The following PRKCB variants were observed in gnomAD, a reference collection of about 807,000 sequenced individuals.
The protein encoded by PRKCB is protein kinase C beta.
In PRKCB, 13 loss-of-function variants were observed where a neutral mutation model predicts 81.5. The observed-to-expected ratio is 0.16, with a 90% CI of 0.10 to 0.25. PRKCB has a LOEUF of 0.25. PRKCB is among the 10% of genes least tolerant of loss of function. PRKCB has a pLI of 1.00. For synonymous variants in PRKCB, 335 were observed against 321.4 expected (o/e 1.04, Z -0.45); for missense variants, 509 against 875.7 (o/e 0.58, Z 5.29).
chr16:24,202,499 T>A (rs562394767), intron 16 of PRKCB, among the ~76,000 whole-genome samples: 1 of 152,206 alleles, frequency 6.6e-6, no homozygotes, highest in South Asian at 2.1e-4. Context: ...TAAAAAAATG[T>A]GAAAAAATAA....
chr16:23,943,184 A>G (rs1436002727), intron 2 of PRKCB, among the ~76,000 whole-genome samples: 4 of 152,172 alleles, frequency 2.6e-5, no homozygotes, highest in African/African-American at 7.2e-5. Context: ...GTTCTCCACT[A>G]TAAAAGGAGA....
chr16:23,934,441 A>G (rs1248130063), intron 2 of PRKCB, among the ~76,000 whole-genome samples: 2 of 151,724 alleles, frequency 1.3e-5, no homozygotes, highest in Admixed American at 6.6e-5. Flanking sequence ...GGAAAGGGCC[A>G]GGGTATGTTT....
intron 9 of PRKCB, among the ~76,000 whole-genome samples, chr16:24,151,063 G>A (rs395898): frequency 0.18 from 27,470 of 152,218 alleles, 2,743 homozygotes; most frequent in South Asian, 0.3. Context: ...TGCTACTTGA[G>A]ATTGTTTTAG....
chr16:24,096,666 AATAT>A (rs58341820), intron 7 of PRKCB, among the ~76,000 whole-genome samples: 49 of 32,636 alleles, frequency 1.5e-3, no homozygotes, highest in African/African-American at 3.6e-3. Flanking sequence ...AAAAAAAAAA[AATAT>A]ATATATATAT....
At chr16:23,880,831 T>C (rs1963095000) in intron 2 of PRKCB, among the ~76,000 whole-genome samples, 1 of 152,216 alleles carries the variant, frequency 6.6e-6, no homozygotes, top group African/African-American at 2.4e-5. Flanking sequence ...CCCATGTCTC[T>C]CTGTCTCTGT....
chr16:23,875,746 TCA>T (rs71680615), intron 2 of PRKCB, among the ~76,000 whole-genome samples: 7,158 of 43,060 alleles, frequency 0.17, 1,681 homozygotes, highest in East Asian at 0.38. Context: ...TGTATGTATA[TCA>T]CACATATATG....
intron 9 of PRKCB, among the ~76,000 whole-genome samples, chr16:24,149,200 G>A (rs1309719479): frequency 1.3e-5 from 2 of 152,174 alleles, no homozygotes; most frequent in African/African-American, 2.4e-5. Flanking sequence ...GTCTTGCAGG[G>A]TCTCTTCACC....
intron 5 of PRKCB, among the ~76,000 whole-genome samples, chr16:24,080,185 G>A (rs1380236757): frequency 6.6e-6 from 1 of 152,160 alleles, no homozygotes; most frequent in Non-Finnish European, 1.5e-5. Flanking sequence ...CACCCAGAGA[G>A]GAAAAGTGAG....
chr16:23,957,944 G>C (rs908832411), intron 2 of PRKCB, among the ~76,000 whole-genome samples: 9 of 152,042 alleles, frequency 5.9e-5, no homozygotes, highest in Non-Finnish European at 8.8e-5. Flanking sequence ...CCACCTCCTA[G>C]CATTAATGTG....
chr16:23,937,431 T>C (rs1964078071), intron 2 of PRKCB, among the ~76,000 whole-genome samples: 1 of 152,128 alleles, frequency 6.6e-6, no homozygotes, highest in Non-Finnish European at 1.5e-5. Context: ...AAAGACTGAG[T>C]CTTGGCATCG....
intron 7 of PRKCB, among the ~76,000 whole-genome samples, chr16:24,110,510 C>CTTTTTTTTT (rs1211090636): frequency 1.8e-5 from 2 of 111,164 alleles, no homozygotes; most frequent in Non-Finnish European, 3.4e-5. Flanking sequence ...CATGCCCAAC[C>CTTTTTTTTT]TTTTTTTTTT....
intron 5 of PRKCB, among the ~76,000 whole-genome samples, chr16:24,053,708 C>G (rs973070156): frequency 2.0e-5 from 3 of 152,148 alleles, no homozygotes; most frequent in Admixed American, 6.6e-5. Flanking sequence ...CCATGCATCT[C>G]CCTGGCAGAA....
In PRKCB at chr16:24,084,172, A is replaced by G. The variant is rs115255667; in HGVS notation, c.530-8619A>G. On this transcript the variant is annotated intron_variant, in intron 5 of 16. Coordinates refer to ENST00000643927, the MANE Select transcript of PRKCB (RefSeq NM_002738.7). ...ATAAATAAATATAACCACTAAATAA[A>G]TGACAGATGTAGAGAACAAATAGCA... is the stretch of plus-strand genomic sequence containing the variant. Among the ~76,000 whole-genome samples the G allele has an allele frequency of 4.6e-3, 702 of 152,312 alleles. 4 individuals carry two copies. The highest frequency in any genetic ancestry group is 0.016 in the African/African-American group (670 of 41,570).
At chr16:24,185,318 G>A (rs1967686547) in intron 14 of PRKCB, 127 bp downstream of exon 14, 6 of 1,189,068 alleles carry the variant, frequency 5.0e-6, no homozygotes, top group Non-Finnish European at 7.3e-6. Context: ...CGGCCTTGGG[G>A]TCATACAAGT....
chr16:24,045,871 G>A (rs9924151), intron 5 of PRKCB, among the ~76,000 whole-genome samples: 2,233 of 152,346 alleles, frequency 0.015, 57 homozygotes, highest in African/African-American at 0.049. Context: ...CCTTACCTGC[G>A]CTTGGCTCCT....
rs550476778 is a variant in PRKCB at position 24,122,060 on chromosome 16, G to C, written c.919-1775G>C. On this transcript the variant is annotated intron_variant, in intron 8 of 16. Transcript: ENST00000643927. ...TAAATTGGGAAACAAGTAAATATAT[G>C]GTTTGTAAGATGGTGACAAGTGTTT... Among the ~76,000 whole-genome samples the C allele has an allele frequency of 2.6e-5, 4 of 152,292 alleles. No homozygotes were observed. The South Asian group carries it at 8.3e-4, about 32-fold the overall frequency.
rs1968246742 is a variant in PRKCB at position 24,217,495 on chromosome 16, A to G, written c.*2679A>G. On this transcript the variant is annotated 3_prime_UTR_variant, in exon 17 of 17. Coordinates refer to ENST00000643927, the MANE Select transcript of PRKCB (RefSeq NM_002738.7). The stretch of plus-strand genomic sequence containing the variant: ...CTGTTTTCACATGGCTTCAGATGCT[A>G]TCAACCTCAAAGAAATGATCTCAAC... 1.0e-6 allele frequency: 1 copy of G among 985,430 alleles called. No homozygotes were observed. The highest frequency in any genetic ancestry group is 1.7e-5 in the African/African-American group (1 of 57,356). The allele number at this position is 985,430 out of a possible 1,614,324, so 61.0% of individuals were successfully genotyped here.
intron 5 of PRKCB, among the ~76,000 whole-genome samples, chr16:24,078,872 A>G (rs1034806830): frequency 1.3e-5 from 2 of 152,146 alleles, no homozygotes; most frequent in African/African-American, 4.8e-5. Flanking sequence ...GTTGACACTA[A>G]ACTGGGTTTA....
chr16:23,889,161 TCCATCCATCC>T (rs1567303600), intron 2 of PRKCB, among the ~76,000 whole-genome samples: 5 of 141,256 alleles, frequency 3.5e-5, no homozygotes, highest in Non-Finnish European at 5.9e-5. Context: ...CATCCATCCA[TCCATCCATCC>T]GTCCATCCAC....
Sources: gnomAD v4.1 joint callset for allele counts (sites outside exome capture counted in the v4.1 genomes callset) on GRCh38, gnomAD v4.1.1 for gene constraint, MANE v1.5 for transcripts, NCBI Gene and HGNC (gene_info 2026-07-23, HGNC 2026-07-21) for gene names.